GLRA3: variants seen among roughly 807,000 people sequenced by gnomAD.
The protein encoded by GLRA3 is glycine receptor subunit alpha-3.
GLRA3 carries 44 observed loss-of-function variants against 60.4 expected under a neutral mutation model. The ratio of observed to expected loss-of-function variants is 0.73; its 90% CI spans 0.57 to 0.94. GLRA3 has a LOEUF of 0.94. Among genes scored for constraint, GLRA3 ranks in the 40% least tolerant of loss-of-function variants. GLRA3 has a pLI of 0.00. For missense variants in GLRA3, 508 were observed against 564.6 expected (o/e 0.90, Z 1.02); for synonymous variants, 223 against 192.9 (o/e 1.16, Z -1.29).
At chr4:174,817,100 C>T (rs937078324) in intron 1 of GLRA3, among the ~76,000 whole-genome samples, 1 of 152,206 alleles carries the variant, frequency 6.6e-6, no homozygotes, top group Admixed American at 6.5e-5. Context: ...TTTAGAGATG[C>T]TTCCAAGAAG....
intron 1 of GLRA3, among the ~76,000 whole-genome samples, chr4:174,792,328 A>C (rs1739383240): frequency 6.6e-6 from 1 of 150,476 alleles, no homozygotes; most frequent in South Asian, 2.1e-4. Context: ...GTAGATGTCC[A>C]TTTTCTGTTT....
At chr4:174,683,620 ATT>A in intron 5 of GLRA3, among the ~76,000 whole-genome samples, 1 of 152,312 alleles carries the variant, frequency 6.6e-6, no homozygotes, top group East Asian at 1.9e-4. Context: ...AAGTGCTGGG[ATT>A]ACAGGCGTCA....
intron 5 of GLRA3, among the ~76,000 whole-genome samples, chr4:174,690,341 T>G (rs983896225): frequency 6.6e-6 from 1 of 152,204 alleles, no homozygotes; most frequent in African/African-American, 2.4e-5. Context: ...GGCTCAATTC[T>G]GAGAGAATAA....
intron 3 of GLRA3, among the ~76,000 whole-genome samples, chr4:174,739,683 A>C (rs1736936401): frequency 6.6e-6 from 1 of 152,204 alleles, no homozygotes; most frequent in Non-Finnish European, 1.5e-5. Context: ...GGGACAGTTC[A>C]AAATGCAAAG....
Position 174,637,525 on chromosome 4 carries a change from A to G in GLRA3, c.*6261T>C, listed in dbSNP as rs1263889560. ...TTTTACATCTGAATCCTTTCCTGCC[A>G]TTTAAGTCACAGCTCCCTAGTATTA... On this transcript the variant is annotated 3_prime_UTR_variant, in exon 10 of 10. Transcript: ENST00000274093. 4 of 152,226 alleles carry G rather than the reference A, an allele frequency of 2.6e-5. No individual in the cohort carries two copies. The East Asian group carries it at 7.7e-4, about 29-fold the overall frequency. 9.4% of individuals were successfully genotyped at this position (152,226 alleles called of 1,614,324 possible).
chr4:174,684,123 G>A (rs1734461763), intron 5 of GLRA3, among the ~76,000 whole-genome samples: 2 of 151,982 alleles, frequency 1.3e-5, no homozygotes, highest in Admixed American at 6.5e-5. Flanking sequence ...GCAAATGAAA[G>A]CTTATTATAG....
chr4:174,690,245 T>C (rs1396280804), intron 5 of GLRA3, among the ~76,000 whole-genome samples: 1 of 152,200 alleles, frequency 6.6e-6, no homozygotes, highest in Non-Finnish European at 1.5e-5. Flanking sequence ...CAAAACTACC[T>C]TTACCATGCA....
intron 5 of GLRA3, among the ~76,000 whole-genome samples, chr4:174,691,720 G>C (rs577846525): frequency 3.0e-4 from 46 of 152,294 alleles, no homozygotes; most frequent in African/African-American, 1.1e-3. Context: ...CTGGAGTGCA[G>C]TGGCGTGATC....
chr4:174,792,168 C>T (rs1480834108), intron 1 of GLRA3, among the ~76,000 whole-genome samples: 1 of 152,042 alleles, frequency 6.6e-6, no homozygotes, highest in African/African-American at 2.4e-5. Flanking sequence ...TGCACACAAC[C>T]CTGGGTGTAC....
At chr4:174,826,988 T>C (rs1740997262) in intron 1 of GLRA3, among the ~76,000 whole-genome samples, 1 of 151,724 alleles carries the variant, frequency 6.6e-6, no homozygotes, top group Non-Finnish European at 1.5e-5. Flanking sequence ...CCTACTCTCA[T>C]CTAAGACTAG....
At chr4:174,650,347 C>T (rs1241706201) in intron 9 of GLRA3, among the ~76,000 whole-genome samples, 1 of 152,118 alleles carries the variant, frequency 6.6e-6, no homozygotes, top group Non-Finnish European at 1.5e-5. Flanking sequence ...CACGCAGTAG[C>T]CAAGCTGGTC....
intron 2 of GLRA3, among the ~76,000 whole-genome samples, chr4:174,773,945 T>C (rs6837602): frequency 0.93 from 141,409 of 151,814 alleles, 66,627 homozygotes; most frequent in East Asian, 1. Flanking sequence ...ATGTTGGAGG[T>C]CCGGTGAGAG....
chr4:174,710,726 C>T (rs954899433), intron 5 of GLRA3, among the ~76,000 whole-genome samples: 2 of 152,030 alleles, frequency 1.3e-5, no homozygotes, highest in East Asian at 3.9e-4. Context: ...TGCTTTTAAG[C>T]TGGCATACTA....
At chr4:174,688,953 A>G (rs1056348978) in intron 5 of GLRA3, among the ~76,000 whole-genome samples, 5 of 152,156 alleles carry the variant, frequency 3.3e-5, no homozygotes, top group African/African-American at 1.2e-4. Flanking sequence ...CTAAATAGAA[A>G]TGAGAGTATC....
At chr4:174,666,309 T>A (rs768362136) in intron 7 of GLRA3, among the ~76,000 whole-genome samples, 27 of 152,078 alleles carry the variant, frequency 1.8e-4, no homozygotes, top group Non-Finnish European at 2.9e-4. Context: ...AACTTCCTAG[T>A]AGACAACGTA....
rs1201982934 is a variant in GLRA3 at position 174,638,190 on chromosome 4, T to C, written c.*5596A>G. On this transcript the variant is annotated 3_prime_UTR_variant, in exon 10 of 10. Coordinates refer to ENST00000274093, the MANE Select transcript of GLRA3 (RefSeq NM_006529.4). ...CAGAGTAATGAGCTACCTGTTGCTATCTGGGTGCTCGAAGAATGTGGATAA... is the reference window on the plus strand; with the variant it reads ...CAGAGTAATGAGCTACCTGTTGCTACCTGGGTGCTCGAAGAATGTGGATAA... 6.6e-6 allele frequency: 1 copy of C among 152,224 alleles called. No individual in the cohort carries two copies. Among genetic ancestry groups the C allele is most frequent in the Non-Finnish European group, 1.5e-5 (1 of 68,036 alleles). The allele number at this position is 152,224 out of a possible 1,614,324, so 9.4% of individuals were successfully genotyped here.
intron 3 of GLRA3, among the ~76,000 whole-genome samples, chr4:174,755,885 CATAT>C (rs1737673729): frequency 6.6e-6 from 1 of 151,906 alleles, no homozygotes; most frequent in Non-Finnish European, 1.5e-5. Flanking sequence ...AAAATACACC[CATAT>C]ATAAACTAAT....
chr4:174,744,638 A>G (rs938600439), intron 3 of GLRA3, among the ~76,000 whole-genome samples: 2 of 152,256 alleles, frequency 1.3e-5, no homozygotes, highest in Non-Finnish European at 2.9e-5. Flanking sequence ...GAAACCATTG[A>G]TACATATTCA....
chr4:174,668,445 T>C (rs574776436), intron 7 of GLRA3, among the ~76,000 whole-genome samples: 1 of 152,272 alleles, frequency 6.6e-6, no homozygotes, highest in Non-Finnish European at 1.5e-5. Flanking sequence ...GTATATGCTA[T>C]GGTTGAGAGA....
Sources: allele counts gnomAD v4.1 joint callset (sites outside exome capture counted in the v4.1 genomes callset), GRCh38; gene constraint gnomAD v4.1.1; transcripts MANE v1.5; gene names NCBI Gene and HGNC (gene_info 2026-07-23, HGNC 2026-07-21).